The following KCNK1 variants were observed in gnomAD, a reference collection of about 807,000 sequenced individuals.
KCNK1 encodes potassium channel subfamily K member 1.
In KCNK1, 10 loss-of-function variants were observed where a neutral mutation model predicts 22.2. That is an observed-to-expected ratio of 0.45 (90% CI 0.28 to 0.76). The LOEUF is 0.76. KCNK1 is among the 30% of genes least tolerant of loss of function. The probability of loss-of-function intolerance (pLI) is 0.14; values close to 1 mark genes in which losing one functional copy is unlikely to be tolerated. For missense variants in KCNK1, 378 were observed against 421.0 expected, an observed-to-expected ratio of 0.90 and a Z score of 0.89; for synonymous variants, 200 against 186.4, an observed-to-expected ratio of 1.07 and a Z score of -0.60.
intron 1 of KCNK1, among the ~76,000 whole-genome samples, chr1:233,663,917 C>T (rs927074788): frequency 3.9e-5 from 6 of 152,112 alleles, no homozygotes; most frequent in South Asian, 2.1e-4. Flanking sequence ...CTGCAAGCTC[C>T]GCCTCACGGG....
intron 2 of KCNK1, among the ~76,000 whole-genome samples, chr1:233,670,315 G>T (rs1203384414): frequency 6.6e-6 from 1 of 152,162 alleles, no homozygotes; most frequent in Non-Finnish European, 1.5e-5. Flanking sequence ...GCTTGGCTTT[G>T]TTGCTGGATT....
At chr1:233,622,138 T>C (rs1251757627) in intron 1 of KCNK1, among the ~76,000 whole-genome samples, 2 of 152,226 alleles carry the variant, frequency 1.3e-5, no homozygotes, top group African/African-American at 2.4e-5. Context: ...CATTGCTCAT[T>C]GGACTGTTGC....
chr1:233,669,331 A>G (rs953721018), intron 2 of KCNK1, among the ~76,000 whole-genome samples: 1 of 152,216 alleles, frequency 6.6e-6, no homozygotes, highest in Non-Finnish European at 1.5e-5. Context: ...AGTGTTTCAT[A>G]TAATACTAAA....
At position 233,669,272 on chromosome 1, in the gene KCNK1, TTATA is replaced by T. The variant is rs1031087443; in HGVS notation, c.752-1996_752-1993del. Among the ~76,000 whole-genome samples the T allele has an allele frequency of 3.9e-5, 6 of 152,258 alleles. No homozygotes were observed. The South Asian group carries it at 8.3e-4, about 21-fold the overall frequency. ...GTTTGCTAGCTACAATAATTTTCTC[TTATA>T]TAAATTGTCTTCTCATAAATTTTGC... On this transcript the variant is annotated intron_variant, in intron 2 of 2. Transcript: ENST00000366621.
Position 233,671,282 on chromosome 1 carries a change from C to T in KCNK1, c.763C>T (p.Leu255Phe), listed in dbSNP as rs746982221. 1.2e-6 allele frequency: 2 copies of T among 1,614,196 alleles called. No individual in the cohort carries two copies. The highest frequency in any genetic ancestry group is 1.7e-6 in the Non-Finnish European group (2 of 1,180,004). Reference sequence around the variant, plus strand: ...TGTTTCTCACACAGGTTACCTGCTACTTGGCCTTATTGCCATGTTGGTAGT... The same window carrying T: ...TGTTTCTCACACAGGTTACCTGCTATTTGGCCTTATTGCCATGTTGGTAGT... ...YKIGITCYLL[L>F]GLIAMLVVLE... Residue 255 changes from leucine to phenylalanine, a missense_variant, in exon 3 of 3, where the codon CTT (leucine) becomes TTT (phenylalanine). Leu to Phe is a conservative substitution (Grantham distance 22). Coordinates refer to ENST00000366621, the MANE Select transcript of KCNK1 (RefSeq NM_002245.4).
At chr1:233,669,357 T>C (rs1658556196) in intron 2 of KCNK1, among the ~76,000 whole-genome samples, 1 of 152,220 alleles carries the variant, frequency 6.6e-6, no homozygotes, top group South Asian at 2.1e-4. Context: ...GCATAACATT[T>C]TATCACTTCT....
chr1:233,656,173 T>G (rs768677436), intron 1 of KCNK1, among the ~76,000 whole-genome samples: 4 of 152,206 alleles, frequency 2.6e-5, no homozygotes, highest in Non-Finnish European at 5.9e-5. Context: ...AAAAGAGAGT[T>G]TCACTGGCAA....
intron 1 of KCNK1, among the ~76,000 whole-genome samples, chr1:233,657,992 G>A (rs887276635): frequency 2.6e-5 from 4 of 152,128 alleles, no homozygotes; most frequent in Admixed American, 6.5e-5. Flanking sequence ...TCAGTTTTAG[G>A]AAGCAAGGCC....
chr1:233,614,114 C>G lies in KCNK1; in HGVS notation c.-58C>G. ...GCGGGGGCGGCGGGGCCAGAAGAGG[C>G]GGCGGGCCGCGCTCCGGCCGGTCTG... On this transcript the variant is annotated 5_prime_UTR_variant, in exon 1 of 3. Transcript: ENST00000366621. The G allele has an allele frequency of 7.9e-7, 1 of 1,262,562 alleles. No individual in the cohort carries two copies. Among genetic ancestry groups the G allele is most frequent in the Non-Finnish European group, 1.0e-6 (1 of 976,052 alleles). 78.2% of individuals were successfully genotyped at this position (1,262,562 alleles called of 1,614,324 possible).
chr1:233,650,868 A>G (rs996122671), intron 1 of KCNK1, among the ~76,000 whole-genome samples: 1 of 151,482 alleles, frequency 6.6e-6, no homozygotes, highest in Admixed American at 6.6e-5. Flanking sequence ...GATTCCCACC[A>G]GGGCAAAATG....
chr1:233,662,169 G>A (rs778608794), intron 1 of KCNK1, among the ~76,000 whole-genome samples: 6 of 152,162 alleles, frequency 3.9e-5, no homozygotes, highest in Non-Finnish European at 2.9e-5. Context: ...ACTGATTTCA[G>A]TATCTCTGCT....
intron 1 of KCNK1, among the ~76,000 whole-genome samples, chr1:233,639,342 A>G (rs1657965221): frequency 1.3e-5 from 2 of 152,206 alleles, no homozygotes; most frequent in Admixed American, 6.5e-5. Flanking sequence ...GTTTCTTTGA[A>G]GAATCTGCAA....
intron 1 of KCNK1, among the ~76,000 whole-genome samples, chr1:233,647,035 T>C (rs1049452787): frequency 1.2e-4 from 19 of 152,164 alleles, no homozygotes; most frequent in African/African-American, 4.1e-4. Context: ...CCCCTTAAAA[T>C]CTGGCATTTC....
At chr1:233,639,017 G>T (rs1342466722) in intron 1 of KCNK1, among the ~76,000 whole-genome samples, 1 of 152,136 alleles carries the variant, frequency 6.6e-6, no homozygotes, top group South Asian at 2.1e-4. Flanking sequence ...CAAGTCTTTG[G>T]AAGTCTTCTC....
intron 1 of KCNK1, among the ~76,000 whole-genome samples, chr1:233,659,148 C>G (rs1198347370): frequency 6.6e-6 from 1 of 151,486 alleles, no homozygotes; most frequent in African/African-American, 2.4e-5. Flanking sequence ...AAAGTATTTC[C>G]TTTATATTCT....
Position 233,671,860 on chromosome 1 carries a change from T to G in KCNK1, c.*330T>G. 1 of 237,602 alleles carries G rather than the reference T, an allele frequency of 4.2e-6. No homozygotes were observed. The highest frequency in any genetic ancestry group is 8.2e-6 in the Non-Finnish European group (1 of 122,134). The allele number at this position is 237,602 out of a possible 1,614,324, so 14.7% of individuals were successfully genotyped here. A position where few individuals can be genotyped will look rare whatever the true frequency, so the allele number is the denominator to read the frequency against. The stretch of plus-strand genomic sequence containing the variant: ...AGATTTTATACTTTTAACTGGAAAC[T>G]TTGGGGTTTGCATTTAGATCATTTA... On this transcript the variant is annotated 3_prime_UTR_variant, in exon 3 of 3. Transcript: ENST00000366621.
chr1:233,622,965 T>C (rs2102882911), intron 1 of KCNK1, among the ~76,000 whole-genome samples: 1 of 152,214 alleles, frequency 6.6e-6, no homozygotes, highest in African/African-American at 2.4e-5. Flanking sequence ...CCTCTGAGAC[T>C]CAGTTATTAG....
At chr1:233,636,676 C>T (rs1657902288) in intron 1 of KCNK1, 1 of 152,548 alleles carries the variant, frequency 6.6e-6, no homozygotes, top group South Asian at 2.1e-4. Context: ...TGGTCTCCCT[C>T]ACATTAGATA....
chr1:233,624,922 A>T (rs1571889817), intron 1 of KCNK1, among the ~76,000 whole-genome samples: 1 of 152,278 alleles, frequency 6.6e-6, no homozygotes. Flanking sequence ...GCCCTCCTGG[A>T]TGTGTCAGTC....
Sources: gnomAD v4.1 joint callset for allele counts (sites outside exome capture counted in the v4.1 genomes callset) on GRCh38, gnomAD v4.1.1 for gene constraint, MANE v1.5 for transcripts, NCBI Gene and HGNC (gene_info 2026-07-23, HGNC 2026-07-21) for gene names.